WDPCP: variants seen among roughly 807,000 people sequenced by gnomAD.
WDPCP encodes WD repeat-containing and planar cell polarity effector protein fritz homolog.
Under a neutral mutation model 93.1 loss-of-function variants are expected in WDPCP, and 71 were observed. That is an observed-to-expected ratio of 0.76 (90% CI 0.63 to 0.93). The LOEUF (loss-of-function observed/expected upper bound fraction) is 0.93, where lower values mean the gene tolerates loss of function less well. Ranked by LOEUF, WDPCP falls within the 40% of genes least tolerant of loss-of-function variation. The pLI, the probability that WDPCP is intolerant of heterozygous loss-of-function variation, is 0.00. For synonymous variants in WDPCP, 315 were observed against 315.0 expected, an observed-to-expected ratio of 1.00 and a Z score of 0.00; for missense variants, 844 against 887.4, an observed-to-expected ratio of 0.95 and a Z score of 0.62.
intron 9 of WDPCP, among the ~76,000 whole-genome samples, chr2:63,429,425 T>C (rs550840058): frequency 2.0e-5 from 3 of 152,094 alleles, no homozygotes; most frequent in African/African-American, 7.2e-5. Flanking sequence ...TGAGAGAAAA[T>C]ATTTGTAAAC....
intron 2 of WDPCP, among the ~76,000 whole-genome samples, chr2:63,798,516 T>C (rs1670646551): frequency 6.6e-6 from 1 of 152,100 alleles, no homozygotes. Context: ...AATAATGAAT[T>C]ATAAGATAGT....
chr2:63,182,265 T>C (rs1027806954), intron 14 of WDPCP, among the ~76,000 whole-genome samples: 2 of 152,124 alleles, frequency 1.3e-5, no homozygotes, highest in Non-Finnish European at 2.9e-5. Context: ...CTGTTTAGTA[T>C]AATGTTTTCT....
chr2:63,801,278 G>C (rs1200021054), intron 2 of WDPCP, among the ~76,000 whole-genome samples: 1 of 152,158 alleles, frequency 6.6e-6, no homozygotes. Flanking sequence ...TCACCCATGT[G>C]AGCCCCTCCA....
intron 1 of WDPCP, among the ~76,000 whole-genome samples, chr2:63,562,301 T>C (rs1020050376): frequency 6.6e-6 from 1 of 152,066 alleles, no homozygotes; most frequent in African/African-American, 2.4e-5. Flanking sequence ...TTCTCACTTA[T>C]AAGTGGGAGC....
At chr2:63,333,108 GAA>G (rs1051569517) in intron 12 of WDPCP, among the ~76,000 whole-genome samples, 1 of 151,896 alleles carries the variant, frequency 6.6e-6, no homozygotes, top group African/African-American at 2.4e-5. Context: ...ACCATTTATT[GAA>G]AAGATTACTC....
chr2:63,559,609 A>G (rs1706429356), intron 1 of WDPCP, among the ~76,000 whole-genome samples: 1 of 152,200 alleles, frequency 6.6e-6, no homozygotes. Flanking sequence ...AAAAATCACA[A>G]CCATTCCTAT....
chr2:63,222,377 C>T (rs2421917), intron 14 of WDPCP, among the ~76,000 whole-genome samples: 134,861 of 152,182 alleles, frequency 0.89, 59,977 homozygotes, highest in South Asian at 0.94. Context: ...AACTCCCAAC[C>T]TTTAAAAAAC....
intron 1 of WDPCP, among the ~76,000 whole-genome samples, chr2:63,527,261 T>C (rs531585882): frequency 6.6e-6 from 1 of 151,606 alleles, no homozygotes; most frequent in African/African-American, 2.4e-5. Context: ...AGGGTACATG[T>C]GCACAACGTG....
In WDPCP at chr2:63,408,723, G is replaced by T. The variant is rs568180772; in HGVS notation, c.826-4066C>A. Among the ~76,000 whole-genome samples, 4 of 152,318 alleles carry T rather than the reference G, an allele frequency of 2.6e-5. No individual in the cohort carries two copies. In the East Asian group the frequency reaches 7.7e-4, roughly 29 times the overall value. ...GACTGTTGTGTGAGGCAGTGAGAGT[G>T]AGACAGGCCCTTTGGTTTGTGTGGG... is the stretch of plus-strand genomic sequence containing the variant. On this transcript the variant is annotated intron_variant, in intron 9 of 17. Transcript: ENST00000272321.
At chr2:63,777,017 C>T (rs181689013) in intron 2 of WDPCP, among the ~76,000 whole-genome samples, 102 of 152,186 alleles carry the variant, frequency 6.7e-4, no homozygotes, top group African/African-American at 2.3e-3. Flanking sequence ...AGGATAACTA[C>T]AGTTAACAAT....
At chr2:63,651,366 A>G (rs1036982863) in intron 2 of WDPCP, among the ~76,000 whole-genome samples, 8 of 152,152 alleles carry the variant, frequency 5.3e-5, no homozygotes, top group African/African-American at 1.9e-4. Flanking sequence ...GAGGAAGGGG[A>G]AGTCACTCTG....
At chr2:63,437,795 A>G in intron 7 of WDPCP, 1 of 1,483,432 alleles carries the variant, frequency 6.7e-7, no homozygotes, top group Admixed American at 2.0e-5. Context: ...ATATTTGGGG[A>G]CCACCAATGG....
intron 2 of WDPCP, among the ~76,000 whole-genome samples, chr2:63,679,989 A>G (rs563449309): frequency 1.3e-5 from 2 of 152,322 alleles, no homozygotes; most frequent in South Asian, 4.1e-4. Context: ...CAGCAGGCAG[A>G]GACCACTTCT....
At chr2:63,731,840 G>A (rs1247127052) in intron 2 of WDPCP, among the ~76,000 whole-genome samples, 1 of 152,104 alleles carries the variant, frequency 6.6e-6, no homozygotes, top group African/African-American at 2.4e-5. Flanking sequence ...ACAAGGGACT[G>A]GATAGAGAAA....
intron 12 of WDPCP, among the ~76,000 whole-genome samples, chr2:63,337,232 C>G (rs961398606): frequency 1.3e-5 from 2 of 152,180 alleles, no homozygotes; most frequent in African/African-American, 4.8e-5. Flanking sequence ...TGAGTGAGAA[C>G]ATGCAGTATT....
chr2:63,381,796 A>G, intron 11 of WDPCP, 110 bp downstream of exon 11: 2 of 1,133,676 alleles, frequency 1.8e-6, no homozygotes, highest in Non-Finnish European at 1.3e-6. Context: ...TAACATTTTT[A>G]TCATTTAATC....
intron 6 of WDPCP, among the ~76,000 whole-genome samples, chr2:63,479,522 T>G (rs984053940): frequency 6.6e-6 from 1 of 152,204 alleles, no homozygotes; most frequent in African/African-American, 2.4e-5. Flanking sequence ...GATGCAAGGA[T>G]AATTTAACAT....
intron 2 of WDPCP, among the ~76,000 whole-genome samples, chr2:63,799,669 CTTTT>C (rs983551363): frequency 6.6e-6 from 1 of 152,124 alleles, no homozygotes; most frequent in Non-Finnish European, 1.5e-5. Flanking sequence ...TCATATTCTT[CTTTT>C]TTAAATTCGT....
chr2:63,708,468 C>T (rs781046419), intron 2 of WDPCP, among the ~76,000 whole-genome samples: 5 of 152,326 alleles, frequency 3.3e-5, no homozygotes, highest in South Asian at 2.1e-4. Context: ...TTGTTAAGCC[C>T]GTTGGGAAAG....
Sources: gnomAD v4.1 joint callset for allele counts (sites outside exome capture counted in the v4.1 genomes callset) on GRCh38, gnomAD v4.1.1 for gene constraint, MANE v1.5 for transcripts, NCBI Gene and HGNC (gene_info 2026-07-23, HGNC 2026-07-21) for gene names.